Variants in TRIM2 observed in about 807,000 individuals in gnomAD.
The protein encoded by TRIM2 is tripartite motif-containing protein 2.
TRIM2 carries 20 observed loss-of-function variants against 75.2 expected under a neutral mutation model. That is an observed-to-expected ratio of 0.27 (90% confidence interval 0.19 to 0.39). TRIM2 has a LOEUF of 0.39. Among genes scored for constraint, TRIM2 ranks in the 10% least tolerant of loss-of-function variants. The pLI is 1.00. For synonymous variants in TRIM2, 373 were observed against 388.3 expected (o/e 0.96, Z 0.46); for missense variants, 660 against 990.8 (o/e 0.67, Z 4.48).
rs1762695570 is a variant in TRIM2, at chr4:153,296,046, G to A, written c.1510+10G>A. The A allele has an allele frequency of 2.0e-6, 3 of 1,515,368 alleles. No individual in the cohort carries two copies. Among genetic ancestry groups the A allele is most frequent in the South Asian group, 2.7e-5 (2 of 74,046 alleles). The allele number at this position is 1,515,368 out of a possible 1,614,324, so 93.9% of individuals were successfully genotyped here. ...TTGATCTTTCGAGTGGGTAAGGAGA[G>A]GGCTTCTGTGCCCGACGCCTGAGCT... On this transcript the variant is annotated intron_variant, in intron 6 of 11. Transcript: ENST00000338700.
chr4:153,334,288 G>GT (rs1382233627), intron 11 of TRIM2, among the ~76,000 whole-genome samples: 2 of 151,972 alleles, frequency 1.3e-5, no homozygotes, highest in Non-Finnish European at 2.9e-5. Flanking sequence ...AGAAAGCAAG[G>GT]TAAGTGGAGA....
chr4:153,252,347 G>A (rs1016473522), intron 1 of TRIM2, among the ~76,000 whole-genome samples: 1 of 152,074 alleles, frequency 6.6e-6, no homozygotes, highest in African/African-American at 2.4e-5. Context: ...AAAGAGGAAC[G>A]GTGCCAGCCA....
At chr4:153,268,891 T>G (rs1294067426) in intron 1 of TRIM2, among the ~76,000 whole-genome samples, 1 of 152,200 alleles carries the variant, frequency 6.6e-6, no homozygotes, top group African/African-American at 2.4e-5. Flanking sequence ...CAACAGATAT[T>G]TCTTTTAAAT....
At chr4:153,159,296 C>CTTTTTTTTTTTTTTTTTTTTTTT (rs11318531) in intron 1 of TRIM2, among the ~76,000 whole-genome samples, 2 of 89,160 alleles carry the variant, frequency 2.2e-5, no homozygotes, top group Non-Finnish European at 4.0e-5. Context: ...TTTACAAAAT[C>CTTTTTTTTTTTTTTTTTTTTTTT]TTTTTTTTTT....
chr4:153,246,940 G>A (rs1037366944), intron 1 of TRIM2, among the ~76,000 whole-genome samples: 14 of 152,304 alleles, frequency 9.2e-5, no homozygotes, highest in African/African-American at 3.4e-4. Context: ...ACCTTGAGAG[G>A]CGCATCAATG....
At chr4:153,181,155 A>T (rs1173486415) in intron 1 of TRIM2, among the ~76,000 whole-genome samples, 9 of 152,210 alleles carry the variant, frequency 5.9e-5, no homozygotes, top group Non-Finnish European at 2.9e-5. Flanking sequence ...TATTCTCCTA[A>T]CACCTCTTTG....
chr4:153,187,567 T>C (rs753097077), intron 1 of TRIM2, among the ~76,000 whole-genome samples: 1 of 152,188 alleles, frequency 6.6e-6, no homozygotes, highest in African/African-American at 2.4e-5. Flanking sequence ...GAAGGCTGCG[T>C]TGAGAGCCAC....
In TRIM2 at chr4:153,276,092, G is replaced by C. The variant is rs774018426; in HGVS notation, c.415G>C (p.Ala139Pro). The C allele has an allele frequency of 9.9e-6, 16 of 1,614,230 alleles. No homozygotes were observed. Among genetic ancestry groups the C allele is most frequent in the Non-Finnish European group, 1.4e-5 (16 of 1,180,036 alleles). Residue 139 changes from alanine to proline, a missense_variant, in exon 3 of 12, where the codon GCG becomes CCG. Around this residue, in one of 2 missense-constraint regions of TRIM2, gnomAD observed 620 missense variants for 891.0 expected, o/e 0.70. Transcript: ENST00000338700. Reference sequence around the variant, plus strand: ...CCTGGAGACAGTCACTGCTGTGGCTGCGGGAAAGCCTCTCTCTTGCCCAAA... The same window carrying C: ...CCTGGAGACAGTCACTGCTGTGGCTCCGGGAAAGCCTCTCTCTTGCCCAAA... ...SILETVTAVA[A>P]GKPLSCPNHD...
intron 1 of TRIM2, among the ~76,000 whole-genome samples, chr4:153,258,188 G>A (rs889784192): frequency 6.6e-6 from 1 of 152,080 alleles, no homozygotes; most frequent in Non-Finnish European, 1.5e-5. Context: ...AGAGAATCCT[G>A]GGGTTGAGTT....
intron 6 of TRIM2, among the ~76,000 whole-genome samples, chr4:153,307,438 GA>G (rs113225163): frequency 0.075 from 11,449 of 151,990 alleles, 722 homozygotes; most frequent in African/African-American, 0.17. Flanking sequence ...GACTTTACAG[GA>G]AAAAAATATA....
chr4:153,318,734 C>T (rs2405969), intron 8 of TRIM2, among the ~76,000 whole-genome samples: 4,145 of 152,236 alleles, frequency 0.027, 180 homozygotes, highest in African/African-American at 0.095. Context: ...GGTTCACTTA[C>T]GGAGACAGGA....
At chr4:153,270,839 T>TCTG (rs1756497629) in intron 2 of TRIM2, among the ~76,000 whole-genome samples, 1 of 152,208 alleles carries the variant, frequency 6.6e-6, no homozygotes, top group African/African-American at 2.4e-5. Context: ...AGCAGATCCC[T>TCTG]ACAGAGGGTC....
At chr4:153,221,875 G>A (rs1260898604) in intron 1 of TRIM2, among the ~76,000 whole-genome samples, 10 of 110,156 alleles carry the variant, frequency 9.1e-5, no homozygotes, top group African/African-American at 3.4e-4. Context: ...AGGAAGGAAG[G>A]GAAGGAGGAA....
At chr4:153,241,716 T>G (rs1170766619) in intron 1 of TRIM2, among the ~76,000 whole-genome samples, 1 of 152,128 alleles carries the variant, frequency 6.6e-6, no homozygotes, top group Non-Finnish European at 1.5e-5. Context: ...AGCCATGAAC[T>G]AAAACAAGGC....
intron 1 of TRIM2, among the ~76,000 whole-genome samples, chr4:153,165,640 T>A (rs1188048765): frequency 1.3e-5 from 2 of 152,202 alleles, no homozygotes; most frequent in Non-Finnish European, 2.9e-5. Flanking sequence ...TTAGTTTGGC[T>A]AGATATAGAA....
intron 3 of TRIM2, among the ~76,000 whole-genome samples, chr4:153,280,156 GAAAGA>G (rs1172805186): frequency 2.9e-5 from 3 of 105,078 alleles, no homozygotes; most frequent in Non-Finnish European, 3.9e-5. Context: ...CATACACAAA[GAAAGA>G]AAAGAACAGA....
chr4:153,316,754 A>G (rs1767675514), intron 8 of TRIM2, among the ~76,000 whole-genome samples: 2 of 151,950 alleles, frequency 1.3e-5, no homozygotes, highest in Admixed American at 1.3e-4. Context: ...GATAACAGAA[A>G]TCTCTCTTAT....
At chr4:153,185,986 C>T (rs1732555322) in intron 1 of TRIM2, among the ~76,000 whole-genome samples, 2 of 152,108 alleles carry the variant, frequency 1.3e-5, no homozygotes. Flanking sequence ...AATTGCTAGA[C>T]CAGGGGTGAT....
chr4:153,169,203 G>A (rs930663603), intron 1 of TRIM2, among the ~76,000 whole-genome samples: 3 of 152,186 alleles, frequency 2.0e-5, no homozygotes, highest in Non-Finnish European at 2.9e-5. Flanking sequence ...GAGGCATCTT[G>A]TTCTCTTCAA....
Sources: gnomAD v4.1 joint callset for allele counts (sites outside exome capture counted in the v4.1 genomes callset) on GRCh38, gnomAD v4.1.1 for gene constraint, gnomAD v4.1.1 regional missense constraint, MANE v1.5 for transcripts, NCBI Gene and HGNC (gene_info 2026-07-23, HGNC 2026-07-21) for gene names.